The following DTNB variants were observed in gnomAD, a reference collection of about 807,000 sequenced individuals.
DTNB encodes the protein dystrobrevin beta, also known as DTN-B.
DTNB carries 63 observed loss-of-function variants against 90.7 expected under a neutral mutation model. That is an observed-to-expected ratio of 0.69 (90% CI 0.57 to 0.86). The LOEUF (loss-of-function observed/expected upper bound fraction) is 0.86, where lower values mean the gene tolerates loss of function less well. DTNB is among the 40% of genes least tolerant of loss of function. The probability of loss-of-function intolerance (pLI) is 0.00; values close to 1 mark genes in which losing one functional copy is unlikely to be tolerated. For synonymous variants in DTNB, 277 were observed against 286.7 expected (o/e 0.97, Z 0.34); for missense variants, 744 against 807.1 (o/e 0.92, Z 0.95).
Position 25,576,950 on chromosome 2 carries a change from C to G in DTNB, c.764G>C (p.Arg255Pro). The change falls in exon 8 of 21, where the codon CGG becomes CCG. Residue 255 changes from arginine to proline, a missense_variant. Transcript: ENST00000406818. ...YCRCESMMGF[R>P]YRCQQCHNYQ... is the part of the protein sequence containing the mutation. ...GTTGTGGCACTGCTGGCATCGGTAC[C>G]GGAAACCCATCATACTCTCACATCG... 6.2e-7 allele frequency: 1 copy of G among 1,612,096 alleles called. No homozygotes were observed. Among genetic ancestry groups the G allele is most frequent in the Non-Finnish European group, 8.5e-7 (1 of 1,179,230 alleles).
chr2:25,551,025 T>G (rs1558994414), intron 8 of DTNB, among the ~76,000 whole-genome samples: 1 of 152,246 alleles, frequency 6.6e-6, no homozygotes, highest in Non-Finnish European at 1.5e-5. Context: ...ATAATGGAAC[T>G]TCCACACTGT....
intron 8 of DTNB, among the ~76,000 whole-genome samples, chr2:25,535,379 G>C (rs538787050): frequency 2.1e-5 from 3 of 140,758 alleles, no homozygotes; most frequent in Non-Finnish European, 4.6e-5. Flanking sequence ...CCTCCCAGAC[G>C]GGGAGGCCGC....
chr2:25,447,110 G>A (rs112569563), intron 12 of DTNB, among the ~76,000 whole-genome samples: 2,073 of 152,234 alleles, frequency 0.014, 53 homozygotes, highest in African/African-American at 0.047. Flanking sequence ...ATTTTGTCAG[G>A]TTTTTAATTC....
chr2:25,388,232 CG>C lies in DTNB; in HGVS notation c.1704del (p.Gly570GlufsTer34). 1 of 1,593,838 alleles carries C rather than the reference CG, an allele frequency of 6.3e-7. No homozygotes were observed. Among genetic ancestry groups the C allele is most frequent in the Non-Finnish European group, 8.5e-7 (1 of 1,170,628 alleles). ...GCGAAGGCCTCCTGCACGTCTCCCC[CG>C]ACTCCGCTCAGCGAGTCCTGCGGAC... ...THCPQDSLSG[V>X]GGDVQEAFAQ... On this transcript the variant is annotated frameshift_variant, in exon 17 of 21. Coordinates refer to ENST00000406818, the MANE Select transcript of DTNB (RefSeq NM_021907.5). LOFTEE classifies it high-confidence loss of function.
At chr2:25,635,171 A>G (rs1440046457) in intron 3 of DTNB, among the ~76,000 whole-genome samples, 1 of 152,074 alleles carries the variant, frequency 6.6e-6, no homozygotes, top group Non-Finnish European at 1.5e-5. Flanking sequence ...GGTGGCTCAC[A>G]TCTGTAATCC....
intron 9 of DTNB, among the ~76,000 whole-genome samples, chr2:25,485,851 C>CAGT (rs1446621261): frequency 6.6e-6 from 1 of 152,082 alleles, no homozygotes; most frequent in Admixed American, 6.5e-5. Context: ...TGGCCAGGCG[C>CAGT]AGTGGCTCAT....
intron 6 of DTNB, among the ~76,000 whole-genome samples, chr2:25,583,041 G>A (rs2061781047): frequency 6.6e-6 from 1 of 151,996 alleles, no homozygotes; most frequent in Non-Finnish European, 1.5e-5. Flanking sequence ...CGGGCAGATG[G>A]TTTGAGACCA....
At chr2:25,640,565 C>A (rs2602990) in intron 2 of DTNB, among the ~76,000 whole-genome samples, 71,358 of 151,370 alleles carry the variant, frequency 0.47, 17,661 homozygotes, top group East Asian at 0.79. Context: ...CTCTCTCTCT[C>A]TGTATTATAC....
At chr2:25,649,929 A>G (rs906689610) in intron 2 of DTNB, 2 of 797,536 alleles carry the variant, frequency 2.5e-6, no homozygotes, top group African/African-American at 3.7e-5. Flanking sequence ...GTTGCTGGAA[A>G]TGAGGGGGTG....
chr2:25,590,364 A>T (rs150829861), intron 6 of DTNB, among the ~76,000 whole-genome samples: 1 of 152,202 alleles, frequency 6.6e-6, no homozygotes, highest in African/African-American at 2.4e-5. Flanking sequence ...GTGGAGGGTA[A>T]GCAAGGCAAA....
chr2:25,475,747 A>C (rs1305256911), intron 10 of DTNB, among the ~76,000 whole-genome samples: 1 of 152,216 alleles, frequency 6.6e-6, no homozygotes, highest in African/African-American at 2.4e-5. Context: ...CTTTAACTTG[A>C]AGCCAATGCT....
chr2:25,650,821 C>T (rs569872246), intron 2 of DTNB, among the ~76,000 whole-genome samples: 2 of 152,256 alleles, frequency 1.3e-5, no homozygotes, highest in African/African-American at 2.4e-5. Flanking sequence ...ATTAGCCAGG[C>T]GCGGTGGCAG....
At chr2:25,533,990 AT>A (rs34352170) in intron 8 of DTNB, among the ~76,000 whole-genome samples, 46,074 of 147,548 alleles carry the variant, frequency 0.31, 8,314 homozygotes, top group East Asian at 0.52. Flanking sequence ...TGCAGCGTTT[AT>A]TTTTTTTTTA....
At chr2:25,577,059 T>C (rs928304487) in intron 7 of DTNB, 55 bp from the exon 8 acceptor site, 3 of 1,456,722 alleles carry the variant, frequency 2.1e-6, no homozygotes, top group Non-Finnish European at 2.8e-6. Context: ...AGGGATAGAA[T>C]AAAAGAAGAA....
At chr2:25,650,236 C>T in intron 2 of DTNB, 4 of 985,446 alleles carry the variant, frequency 4.1e-6, no homozygotes, top group Non-Finnish European at 4.8e-6. Context: ...TATTTGGTTT[C>T]CTATTTTGTC....
chr2:25,471,250 C>T (rs1470459578), intron 10 of DTNB, among the ~76,000 whole-genome samples: 2 of 152,210 alleles, frequency 1.3e-5, no homozygotes, highest in African/African-American at 2.4e-5. Flanking sequence ...ACATGGGGCT[C>T]TCTAAGAACT....
chr2:25,576,860 T>G lies in DTNB; in HGVS notation c.854A>C (p.Gln285Pro). ...TACCCAAGAGGAATGCTCCTTCATC[T>G]GGTGCTGGTTGCTGTGAGGGCCGCC... The part of the protein sequence containing the change: ...HAGGPHSNQH[Q>P]MKEHSSWKSP... Residue 285 changes from glutamine to proline, a missense_variant, in exon 8 of 21, where the codon CAG becomes CCG. By Grantham distance (76) the Gln-to-Pro change is moderately conservative. Coordinates refer to ENST00000406818, the MANE Select transcript of DTNB (RefSeq NM_021907.5). 6.2e-7 allele frequency: 1 copy of G among 1,612,810 alleles called. No individual in the cohort carries two copies. The highest frequency in any genetic ancestry group is 2.2e-5 in the East Asian group (1 of 44,856).
intron 5 of DTNB, among the ~76,000 whole-genome samples, chr2:25,596,663 A>G (rs2064722705): frequency 6.6e-6 from 1 of 152,228 alleles, no homozygotes; most frequent in South Asian, 2.1e-4. Flanking sequence ...TCTTGGTGAT[A>G]GGGTATGAAA....
intron 12 of DTNB, among the ~76,000 whole-genome samples, chr2:25,451,237 C>T (rs966232221): frequency 1.3e-5 from 2 of 152,036 alleles, no homozygotes; most frequent in African/African-American, 4.8e-5. Context: ...TTCTTCTTGT[C>T]TTGTTGCATT....
Sources: gnomAD v4.1 joint callset for allele counts (sites outside exome capture counted in the v4.1 genomes callset) on GRCh38, gnomAD v4.1.1 for gene constraint, MANE v1.5 for transcripts, NCBI Gene and HGNC (gene_info 2026-07-23, HGNC 2026-07-21) for gene names.